The following PTPRO variants were observed in gnomAD, a reference collection of about 807,000 sequenced individuals.
PTPRO encodes receptor-type tyrosine-protein phosphatase O.
In PTPRO, 62 loss-of-function variants were observed where a neutral mutation model predicts 145.2. The observed-to-expected ratio is 0.43, with a 90% confidence interval of 0.35 to 0.53. PTPRO has a LOEUF of 0.53. Among genes scored for constraint, PTPRO ranks in the 20% least tolerant of loss-of-function variants. The pLI is 0.01. For missense variants in PTPRO, 1,345 were observed against 1,482.7 expected (o/e 0.91, Z 1.53); for synonymous variants, 565 against 514.7 (o/e 1.10, Z -1.32).
chr12:15,343,826 G>A (rs1357517770), intron 1 of PTPRO, among the ~76,000 whole-genome samples: 1 of 152,164 alleles, frequency 6.6e-6, no homozygotes, highest in Admixed American at 6.5e-5. Flanking sequence ...TCAGACCAGA[G>A]GCGCCTGCCA....
chr12:15,513,980 A>C (rs1942520862), intron 7 of PTPRO, among the ~76,000 whole-genome samples: 1 of 152,232 alleles, frequency 6.6e-6, no homozygotes, highest in Admixed American at 6.5e-5. Flanking sequence ...TCTTTCCACC[A>C]AGCAATACTG....
chr12:15,451,890 G>A (rs866322904), intron 1 of PTPRO, among the ~76,000 whole-genome samples: 1 of 152,152 alleles, frequency 6.6e-6, no homozygotes, highest in African/African-American at 2.4e-5. Context: ...ACATCAAAGA[G>A]TCTGAAAGAG....
chr12:15,579,975 A>G lies in PTPRO; in HGVS notation c.2921-64A>G, dbSNP rs1944274018. The G allele has an allele frequency of 3.1e-5, 40 of 1,299,536 alleles. 2 individuals are homozygous for G. In the South Asian group the frequency reaches 4.6e-4, roughly 15 times the overall value. 80.5% of individuals were successfully genotyped at this position (1,299,536 alleles called of 1,614,324 possible). On this transcript the variant is annotated intron_variant, in intron 20 of 26. Transcript: ENST00000281171. ...TGATTTAACTTAATATTGGATAGAA[A>G]GGGCCAAAATAATTTTTCCTTCCAT...
At chr12:15,474,250 C>A (rs532008656) in intron 1 of PTPRO, among the ~76,000 whole-genome samples, 1 of 152,282 alleles carries the variant, frequency 6.6e-6, no homozygotes, top group Admixed American at 6.5e-5. Context: ...TAGAACATAT[C>A]TCTGACCCGT....
intron 1 of PTPRO, among the ~76,000 whole-genome samples, chr12:15,360,953 T>C (rs906412696): frequency 6.8e-6 from 1 of 147,806 alleles, no homozygotes; most frequent in Admixed American, 6.8e-5. Context: ...CACGTGTATA[T>C]ACACACACAT....
chr12:15,583,522 G>A (rs933695103), intron 23 of PTPRO, among the ~76,000 whole-genome samples: 6 of 151,744 alleles, frequency 4.0e-5, no homozygotes, highest in African/African-American at 1.4e-4. Flanking sequence ...AAGAAAAATA[G>A]TATTTTATGT....
intron 2 of PTPRO, among the ~76,000 whole-genome samples, chr12:15,492,166 T>G (rs1269631163): frequency 6.6e-6 from 1 of 152,116 alleles, no homozygotes; most frequent in Non-Finnish European, 1.5e-5. Context: ...ATGCAATGGC[T>G]TAATTATTTT....
intron 12 of PTPRO, among the ~76,000 whole-genome samples, chr12:15,542,809 A>G (rs1374467411): frequency 6.6e-6 from 1 of 152,180 alleles, no homozygotes; most frequent in Non-Finnish European, 1.5e-5. Context: ...TCTGTATTTT[A>G]CATTTGCAAC....
chr12:15,508,813 A>G, intron 7 of PTPRO, 46 bp downstream of exon 7: 2 of 1,585,072 alleles, frequency 1.3e-6, no homozygotes, highest in Non-Finnish European at 1.7e-6. Context: ...CTTCCTAAGC[A>G]CAACCTTACA....
chr12:15,392,610 A>T (rs1195647332), intron 1 of PTPRO, among the ~76,000 whole-genome samples: 1 of 150,730 alleles, frequency 6.6e-6, no homozygotes, highest in Non-Finnish European at 1.5e-5. Flanking sequence ...AATCCCAGCT[A>T]CTTGGGAGGC....
At chr12:15,555,922 A>G (rs1001621885) in intron 15 of PTPRO, among the ~76,000 whole-genome samples, 3 of 152,224 alleles carry the variant, frequency 2.0e-5, no homozygotes, top group Admixed American at 6.5e-5. Flanking sequence ...TAGTCTAACA[A>G]TTTCATCATG....
chr12:15,327,639 A>G (rs531116473), intron 1 of PTPRO, among the ~76,000 whole-genome samples: 1 of 152,298 alleles, frequency 6.6e-6, no homozygotes, highest in South Asian at 2.1e-4. Context: ...AATACCCATT[A>G]TATCAGCTCT....
chr12:15,456,445 T>A (rs1032256006), intron 1 of PTPRO, among the ~76,000 whole-genome samples: 1 of 152,200 alleles, frequency 6.6e-6, no homozygotes, highest in East Asian at 1.9e-4. Flanking sequence ...TCTTACAGTG[T>A]CTTTGTTTGG....
chr12:15,438,545 G>A (rs58153972), intron 1 of PTPRO, among the ~76,000 whole-genome samples: 7 of 151,650 alleles, frequency 4.6e-5, no homozygotes, highest in Admixed American at 6.6e-5. Flanking sequence ...AAAAACTCAC[G>A]TAAAGAATTC....
intron 1 of PTPRO, among the ~76,000 whole-genome samples, chr12:15,331,809 T>C (rs770059833): frequency 6.6e-6 from 1 of 152,166 alleles, no homozygotes; most frequent in Non-Finnish European, 1.5e-5. Flanking sequence ...TTAGTTTAAC[T>C]TTGTTTAAAC....
intron 1 of PTPRO, among the ~76,000 whole-genome samples, chr12:15,378,859 G>A (rs1385454222): frequency 2.6e-5 from 4 of 152,014 alleles, no homozygotes; most frequent in African/African-American, 4.8e-5. Context: ...AAAGACAACC[G>A]TAGACAATGG....
chr12:15,455,567 A>G (rs1941155389), intron 1 of PTPRO, among the ~76,000 whole-genome samples: 1 of 152,136 alleles, frequency 6.6e-6, no homozygotes, highest in South Asian at 2.1e-4. Flanking sequence ...ATTTACCACT[A>G]TAATTATGTT....
rs777907233 is a variant in PTPRO, at chr12:15,515,576, C to G, written c.1543C>G (p.Pro515Ala). ...YQVVIYLRKG[P>A]LIGPPSDPVT... Reference sequence around the variant, plus strand: ...GGTTGTAATATACCTAAGGAAAGGCCCTTTGATTGGACCACCTTCAGATCC... The same window carrying G: ...GGTTGTAATATACCTAAGGAAAGGCGCTTTGATTGGACCACCTTCAGATCC... Residue 515 changes from proline to alanine, a missense_variant, in exon 8 of 27, where the codon CCT becomes GCT. Transcript: ENST00000281171. 6.2e-7 allele frequency: 1 copy of G among 1,613,766 alleles called. No homozygotes were observed. The highest frequency in any genetic ancestry group is 8.5e-7 in the Non-Finnish European group (1 of 1,179,980).
intron 12 of PTPRO, among the ~76,000 whole-genome samples, chr12:15,538,083 G>A (rs956284715): frequency 6.6e-6 from 1 of 152,000 alleles, no homozygotes; most frequent in African/African-American, 2.4e-5. Flanking sequence ...TCTGATTTAG[G>A]TTCTCAGTGA....
Sources: gnomAD v4.1 joint callset for allele counts (sites outside exome capture counted in the v4.1 genomes callset) on GRCh38, gnomAD v4.1.1 for gene constraint, MANE v1.5 for transcripts, NCBI Gene and HGNC (gene_info 2026-07-23, HGNC 2026-07-21) for gene names.